The following KIF1B variants were observed in gnomAD, a reference collection of about 807,000 sequenced individuals.
KIF1B encodes the protein kinesin family member 1B, also known as kinesin-like protein KIF1B.
A neutral mutation model predicts 241.9 loss-of-function variants in KIF1B; 76 were observed. That is an observed-to-expected ratio of 0.31 (90% CI 0.26 to 0.38). KIF1B has a LOEUF of 0.38. Ranked by LOEUF, KIF1B falls within the 10% of genes least tolerant of loss-of-function variation. The pLI is 1.00. For synonymous variants in KIF1B, 750 were observed against 796.7 expected, an observed-to-expected ratio of 0.94 and a Z score of 0.99; for missense variants, 1,622 against 2,271.4, an observed-to-expected ratio of 0.71 and a Z score of 5.81.
At chr1:10,249,177 T>G (rs1647307149) in intron 2 of KIF1B, among the ~76,000 whole-genome samples, 1 of 152,212 alleles carries the variant, frequency 6.6e-6, no homozygotes, top group Non-Finnish European at 1.5e-5. Context: ...GTTTATATGT[T>G]GAATGTGTTC....
chr1:10,222,918 T>G (rs1222887950), intron 1 of KIF1B, among the ~76,000 whole-genome samples: 1 of 152,208 alleles, frequency 6.6e-6, no homozygotes, highest in East Asian at 1.9e-4. Flanking sequence ...TGTATTTTTT[T>G]GCTAATTATT....
chr1:10,323,852 C>T, intron 24 of KIF1B, 32 bp from the exon 25 acceptor site: 1 of 1,595,500 alleles, frequency 6.3e-7, no homozygotes, highest in Non-Finnish European at 8.6e-7. Context: ...TTGCTGAAAA[C>T]CATTTGTCAA....
chr1:10,254,606 G>T (rs1221280330), intron 2 of KIF1B, among the ~76,000 whole-genome samples: 1 of 152,100 alleles, frequency 6.6e-6, no homozygotes, highest in Non-Finnish European at 1.5e-5. Context: ...GCCAGGCGCG[G>T]TGGCTCACGC....
rs779748116 is a variant in KIF1B at position 10,337,649 on chromosome 1, T to C, written c.3422+116T>C. 9 of 1,178,092 alleles carry C rather than the reference T, an allele frequency of 7.6e-6. No homozygotes were observed. Among genetic ancestry groups the C allele is most frequent in the Non-Finnish European group, 1.1e-5 (9 of 803,444 alleles). 73.0% of individuals were successfully genotyped at this position (1,178,092 alleles called of 1,614,324 possible). ...TTAACACTCTTGAGACAAAGACTGA[T>C]CAGTCTCTGAAGGAAAATACTTTCA... is the stretch of plus-strand genomic sequence containing the variant. On this transcript the variant is annotated intron_variant, in intron 31 of 48. Transcript: ENST00000676179. The surrounding 1 kb of genome is among the most constrained non-coding windows in gnomAD (Gnocchi z 4.0).
At position 10,380,021 on chromosome 1, in the gene KIF1B, T is replaced by G. The variant is rs1638982577; in HGVS notation, c.*3434T>G. ...ATTTTTTCCCTTCAGTCACATAGACTTCAGACAACTCTCCTATTTTTTATG... is the reference window on the plus strand; with the variant it reads ...ATTTTTTCCCTTCAGTCACATAGACGTCAGACAACTCTCCTATTTTTTATG... On this transcript the variant is annotated 3_prime_UTR_variant, in exon 49 of 49. Transcript: ENST00000676179. 1.3e-5 allele frequency: 3 copies of G among 229,364 alleles called. No homozygotes were observed. The highest frequency in any genetic ancestry group is 4.4e-5 in the African/African-American group (2 of 45,090). 14.2% of individuals were successfully genotyped at this position (229,364 alleles called of 1,614,324 possible).
intron 15 of KIF1B, among the ~76,000 whole-genome samples, chr1:10,283,469 T>G (rs1046952277): frequency 2.0e-5 from 3 of 152,166 alleles, no homozygotes; most frequent in African/African-American, 7.2e-5. Flanking sequence ...GCTGGCTCTG[T>G]CAGGTTCGAT....
intron 1 of KIF1B, among the ~76,000 whole-genome samples, chr1:10,212,919 TATATATATATATACAC>T (rs1646715773): frequency 1.6e-5 from 2 of 122,542 alleles, no homozygotes; most frequent in African/African-American, 7.5e-5. Flanking sequence ...TATATATATA[TATATATATATATACAC>T]ACACACATTT....
chr1:10,339,942 G>A (rs906238300), intron 32 of KIF1B, 83 bp downstream of exon 32: 2 of 1,164,390 alleles, frequency 1.7e-6, no homozygotes, highest in African/African-American at 1.5e-5. Context: ...ATAAGAAGAG[G>A]TACAAGTCAC....
intron 12 of KIF1B, 47 bp downstream of exon 12, chr1:10,276,446 G>A (rs1196387815): frequency 1.5e-6 from 2 of 1,366,998 alleles, no homozygotes; most frequent in Admixed American, 1.7e-5. Flanking sequence ...ATTGCCATCA[G>A]AAGCCATTTT....
In KIF1B at chr1:10,303,655, G is replaced by T; in HGVS notation, c.2115+6409G>T. The stretch of plus-strand genomic sequence containing the variant: ...TGTAGATGACCTCAAGGTTCATATA[G>T]ACAAGCTGGAAGATATTTTGCAAGA... On this transcript the variant is annotated intron_variant, in intron 22 of 48. Transcript: ENST00000676179. This position sits in a 1 kb window ranked among gnomAD's most constrained non-coding sequence, Gnocchi z 5.2. The T allele has an allele frequency of 6.2e-7, 1 of 1,614,162 alleles. No individual in the cohort carries two copies. Among genetic ancestry groups the T allele is most frequent in the South Asian group, 1.1e-5 (1 of 91,056 alleles).
intron 2 of KIF1B, among the ~76,000 whole-genome samples, chr1:10,234,853 G>A (rs950211759): frequency 6.6e-6 from 1 of 151,508 alleles, no homozygotes; most frequent in Admixed American, 6.6e-5. Context: ...TTTATGGTTG[G>A]AGAGACTAGA....
intron 2 of KIF1B, among the ~76,000 whole-genome samples, chr1:10,238,887 C>T (rs1248930281): frequency 6.6e-6 from 1 of 152,132 alleles, no homozygotes; most frequent in Non-Finnish European, 1.5e-5. Flanking sequence ...ATTCTTACCT[C>T]CTTAACCACA....
At chr1:10,243,553 A>G (rs982951392) in intron 2 of KIF1B, among the ~76,000 whole-genome samples, 1 of 152,282 alleles carries the variant, frequency 6.6e-6, no homozygotes, top group Admixed American at 6.5e-5. Flanking sequence ...TATGGCAGGT[A>G]CTCTTTCCCC....
chr1:10,282,580 C>A, intron 15 of KIF1B, 47 bp downstream of exon 15: 3 of 1,448,672 alleles, frequency 2.1e-6, no homozygotes, highest in Non-Finnish European at 1.9e-6. Flanking sequence ...TGTAGCTCCA[C>A]AAGGAAGAAC....
In KIF1B at chr1:10,352,709, A is replaced by G; in HGVS notation, c.4028A>G (p.Tyr1343Cys). The G allele has an allele frequency of 6.2e-7, 1 of 1,613,948 alleles. No homozygotes were observed. The highest frequency in any genetic ancestry group is 8.5e-7 in the Non-Finnish European group (1 of 1,179,868). Residue 1343 changes from tyrosine (Y) to cysteine (C), a missense_variant, in exon 38 of 49, where the codon TAC becomes TGC. By Grantham distance (194) the Tyr-to-Cys change is radical. Around this residue, in one of 7 missense-constraint regions of KIF1B, gnomAD observed 803 missense variants for 1,112.0 expected, o/e 0.72. Transcript: ENST00000676179. ...TCCCTAAATATTATTTCTGCCAAGT[A>G]CCTGAAGTCTTCCCACAACTCTAGC... ...ILSLNIISAKYLKSSHNSSRT... is the reference protein window; with the variant it reads ...ILSLNIISAKCLKSSHNSSRT...
chr1:10,336,156 T>A (rs1044591570), intron 28 of KIF1B, among the ~76,000 whole-genome samples: 1 of 152,216 alleles, frequency 6.6e-6, no homozygotes, highest in African/African-American at 2.4e-5. Flanking sequence ...TAAAACTGAT[T>A]CTTTTTTTTT....
rs138919986 is a variant in KIF1B, at chr1:10,263,871, A to C, written c.429+1901A>C. ...CAGGACCTCTCTACCTGTCTCTTCT[A>C]CTTCCTTCCCTGTTTACTCTGCTCC... On this transcript the variant is annotated intron_variant, in intron 5 of 48. Coordinates refer to ENST00000676179, the MANE Select transcript of KIF1B (RefSeq NM_001365951.3). 1.7e-3 allele frequency among the ~76,000 whole-genome samples: 254 copies of C among 152,034 alleles called. 2 individuals are homozygous for C. The highest frequency in any genetic ancestry group is 5.8e-3 in the African/African-American group (239 of 41,470).
intron 15 of KIF1B, among the ~76,000 whole-genome samples, 160 bp from the exon 16 acceptor site, chr1:10,290,922 T>C (rs1019981269): frequency 1.3e-5 from 2 of 152,056 alleles, no homozygotes; most frequent in African/African-American, 4.8e-5. Context: ...TTAGGTCTAA[T>C]CTTTATGATT....
chr1:10,366,173 G>C (rs999160768), intron 43 of KIF1B, among the ~76,000 whole-genome samples: 8 of 152,188 alleles, frequency 5.3e-5, no homozygotes, highest in Non-Finnish European at 8.8e-5. Context: ...GGAGATTGCA[G>C]TGAGCCGAGA....
Sources: allele counts gnomAD v4.1 joint callset (sites outside exome capture counted in the v4.1 genomes callset), GRCh38; gene constraint gnomAD v4.1.1; regional missense constraint gnomAD v4.1.1; non-coding constraint Gnocchi (gnomAD v3.1); transcripts MANE v1.5; gene names NCBI Gene and HGNC (gene_info 2026-07-23, HGNC 2026-07-21).